Variants in PACC1 observed in about 807,000 individuals in gnomAD.
PACC1 encodes the protein proton activated chloride channel 1, also known as proton-activated chloride channel.
In PACC1, 34 loss-of-function variants were observed where a neutral mutation model predicts 39.7. That is an observed-to-expected ratio of 0.86 (90% CI 0.65 to 1.14). The LOEUF (loss-of-function observed/expected upper bound fraction) is 1.14. PACC1 is among the 50% of genes most tolerant of loss of function. The pLI, the probability that PACC1 is intolerant of heterozygous loss-of-function variation, is 0.00. For missense variants in PACC1, 379 were observed against 436.4 expected (o/e 0.87, Z 1.17); for synonymous variants, 127 against 160.6 (o/e 0.79, Z 1.58).
intron 2 of PACC1, among the ~76,000 whole-genome samples, chr1:212,388,054 C>CAAAAAAAA (rs57874166): frequency 9.9e-6 from 1 of 100,576 alleles, no homozygotes; most frequent in Non-Finnish European, 2.2e-5. Flanking sequence ...AACTCCATCT[C>CAAAAAAAA]AAAAAAAAAA....
chr1:212,373,708 T>C (rs1462199573), intron 7 of PACC1, among the ~76,000 whole-genome samples: 1 of 152,158 alleles, frequency 6.6e-6, no homozygotes, highest in African/African-American at 2.4e-5. Flanking sequence ...TAGAGATTTA[T>C]CCCAAAAGAT....
intron 2 of PACC1, among the ~76,000 whole-genome samples, chr1:212,389,173 G>T (rs1190222248): frequency 6.6e-6 from 1 of 152,176 alleles, no homozygotes; most frequent in Non-Finnish European, 1.5e-5. Context: ...TCCCTATAAG[G>T]CATGGTTCAG....
Position 212,365,286 on chromosome 1 carries a change from T to A in PACC1, c.982A>T (p.Ile328Leu), listed in dbSNP as rs760087895. ...TTTCTAATTTTGATCATCCATTTTA[T>A]ACTCAGTTTGGCAAACTCTGCTGCT... ...FKAAEFAKLS[I>L]KWMIKIRKRY... The change falls in exon 8 of 8, where the codon ATA becomes TTA. Residue 328 changes from isoleucine (I) to leucine (L), a missense_variant. By Grantham distance (5) the Ile-to-Leu change is conservative (BLOSUM62 2). Coordinates refer to ENST00000261455, the MANE Select transcript of PACC1 (RefSeq NM_018252.3). 1.2e-5 allele frequency: 20 copies of A among 1,613,938 alleles called. No homozygotes were observed. The highest frequency in any genetic ancestry group is 1.7e-5 in the Non-Finnish European group (20 of 1,180,024).
Position 212,365,155 on chromosome 1 carries a change from A to T in PACC1, c.*60T>A. ...GGATTGTTGATAGCTCCGTTTACAA[A>T]GTGGAAGTGATGACAGCTCCCATTG... On this transcript the variant is annotated 3_prime_UTR_variant, in exon 8 of 8. Coordinates refer to ENST00000261455, the MANE Select transcript of PACC1 (RefSeq NM_018252.3). 1 of 1,540,468 alleles carries T rather than the reference A, an allele frequency of 6.5e-7. No homozygotes were observed. Among genetic ancestry groups the T allele is most frequent in the Non-Finnish European group, 8.8e-7 (1 of 1,133,576 alleles).
At chr1:212,409,309 T>C (rs1382500119) in intron 2 of PACC1, among the ~76,000 whole-genome samples, 1 of 151,024 alleles carries the variant, frequency 6.6e-6, no homozygotes, top group Non-Finnish European at 1.5e-5. Context: ...TGCTGGAGGG[T>C]GGGAGGTAAT....
At chr1:212,373,458 C>G (rs1660532629) in intron 7 of PACC1, among the ~76,000 whole-genome samples, 1 of 151,956 alleles carries the variant, frequency 6.6e-6, no homozygotes, top group Admixed American at 6.6e-5. Context: ...TTGGTAAGAC[C>G]TCAAAAAGCA....
intron 4 of PACC1, among the ~76,000 whole-genome samples, chr1:212,380,988 CA>C (rs763960708): frequency 4.2e-4 from 64 of 152,318 alleles, no homozygotes; most frequent in Non-Finnish European, 8.7e-4. Context: ...AAATGCTCTA[CA>C]GAGATTTGAA....
rs577537904 is a variant in PACC1 at position 212,414,766 on chromosome 1, C to G, written c.-9G>C. ...CGCTCCTGCCGGATCATGGCACTGA[C>G]CAGAGCTTCGGCACACCTGAGACCG... On this transcript the variant is annotated 5_prime_UTR_variant, in exon 1 of 8. Coordinates refer to ENST00000261455, the MANE Select transcript of PACC1 (RefSeq NM_018252.3). 1 of 1,613,168 alleles carries G rather than the reference C, an allele frequency of 6.2e-7. No individual in the cohort carries two copies. The highest frequency in any genetic ancestry group is 1.3e-5 in the African/African-American group (1 of 75,018).
At chr1:212,381,769 T>A (rs866267756) in intron 4 of PACC1, among the ~76,000 whole-genome samples, 14 of 19,088 alleles carry the variant, frequency 7.3e-4, no homozygotes, top group African/African-American at 1.6e-3. Flanking sequence ...GACAGCACAG[T>A]GACACACACA....
At chr1:212,369,025 CAA>C (rs60126911) in intron 7 of PACC1, among the ~76,000 whole-genome samples, 88 of 122,842 alleles carry the variant, frequency 7.2e-4, no homozygotes, top group East Asian at 7.1e-3. Flanking sequence ...GACTCCGTCT[CAA>C]AAAAAAAAAA....
chr1:212,386,696 G>A lies in PACC1; in HGVS notation c.343+195C>T, dbSNP rs576406015. On this transcript the variant is annotated intron_variant, in intron 3 of 7. Transcript: ENST00000261455. This position sits in a 1 kb window ranked among gnomAD's most constrained non-coding sequence, Gnocchi z 5.0. ...GCCTGCAGTAGCTGCTCCAGGCTCT[G>A]TCCATTTCTGTCCTCAGCACGTAAC... Among the ~76,000 whole-genome samples the A allele has an allele frequency of 1.5e-4, 23 of 152,232 alleles. No homozygotes were observed. In the South Asian group the frequency reaches 4.6e-3, roughly 30 times the overall value.
intron 7 of PACC1, among the ~76,000 whole-genome samples, chr1:212,369,025 CAAAAAA>C (rs60126911): frequency 8.1e-6 from 1 of 122,860 alleles, no homozygotes; most frequent in Non-Finnish European, 1.6e-5. Flanking sequence ...GACTCCGTCT[CAAAAAA>C]AAAAAAAAAG....
chr1:212,410,602 C>A, intron 1 of PACC1, 81 bp from the exon 2 acceptor site: 1 of 1,260,284 alleles, frequency 7.9e-7, no homozygotes, highest in South Asian at 1.2e-5. Context: ...AAAGCAGAAG[C>A]TGCTTGTCAC....
chr1:212,414,812 A>C lies in PACC1; in HGVS notation c.-55T>G. 1 of 1,603,928 alleles carries C rather than the reference A, an allele frequency of 6.2e-7. No individual in the cohort carries two copies. ...GACCGCCCCAGCCCGCGGCGCACGG[A>C]CGCAGCACTGCGGCCGCTGCACCTG... On this transcript the variant is annotated 5_prime_UTR_variant, in exon 1 of 8. Coordinates refer to ENST00000261455, the MANE Select transcript of PACC1 (RefSeq NM_018252.3).
rs543341607 is a variant in PACC1, at chr1:212,385,076, C to A, written c.495+198G>T. Among the ~76,000 whole-genome samples, 4 of 152,346 alleles carry A rather than the reference C, an allele frequency of 2.6e-5. No homozygotes were observed. In the East Asian group the frequency reaches 7.7e-4, roughly 29 times the overall value. On this transcript the variant is annotated intron_variant, in intron 4 of 7. Transcript: ENST00000261455. The stretch of plus-strand genomic sequence containing the variant: ...AGCATTACTCAGCAAAGGCTGGAGG[C>A]CTCACTGTCCTCCCTGAATGCAAGT...
chr1:212,414,764 G>A lies in PACC1; in HGVS notation c.-7C>T, dbSNP rs777213728. The A allele has an allele frequency of 6.2e-7, 1 of 1,613,046 alleles. No individual in the cohort carries two copies. ...AGCGCTCCTGCCGGATCATGGCACTGACCAGAGCTTCGGCACACCTGAGAC... is the reference window on the plus strand; with the variant it reads ...AGCGCTCCTGCCGGATCATGGCACTAACCAGAGCTTCGGCACACCTGAGAC... On this transcript the variant is annotated 5_prime_UTR_variant, in exon 1 of 8. Transcript: ENST00000261455.
intron 5 of PACC1, 25 bp downstream of exon 5, chr1:212,379,870 C>T (rs1436529621): frequency 1.2e-6 from 2 of 1,613,366 alleles, no homozygotes; most frequent in Admixed American, 1.7e-5. Context: ...AGACAGTAAG[C>T]CCACTGTGAA....
chr1:212,389,172 G>A (rs1661212801), intron 2 of PACC1, among the ~76,000 whole-genome samples: 2 of 152,136 alleles, frequency 1.3e-5, no homozygotes, highest in East Asian at 3.8e-4. Context: ...ATCCCTATAA[G>A]GCATGGTTCA....
Position 212,396,336 on chromosome 1 carries a change from G to A in PACC1, c.134-9236C>T, listed in dbSNP as rs536538280. Among the ~76,000 whole-genome samples the A allele has an allele frequency of 3.2e-3, 494 of 152,012 alleles. 5 individuals carry two copies. Among genetic ancestry groups the A allele is most frequent in the African/African-American group, 0.011 (472 of 41,450 alleles). On this transcript the variant is annotated intron_variant, in intron 2 of 7. Transcript: ENST00000261455. ...ATCATTCTCAGCAAACTATCACAAGGACAAAAAACCAAACACTGCATGTTC... is the reference window on the plus strand; with the variant it reads ...ATCATTCTCAGCAAACTATCACAAGAACAAAAAACCAAACACTGCATGTTC...
Sources: gnomAD v4.1 joint callset for allele counts (sites outside exome capture counted in the v4.1 genomes callset) on GRCh38, gnomAD v4.1.1 for gene constraint, Gnocchi (gnomAD v3.1) non-coding constraint, MANE v1.5 for transcripts, NCBI Gene and HGNC (gene_info 2026-07-23, HGNC 2026-07-21) for gene names.